The following LDB3 variants were observed in gnomAD, a reference collection of about 807,000 sequenced individuals.
LDB3 encodes LIM domain binding 3.
LDB3 carries 49 observed loss-of-function variants against 69.0 expected under a neutral mutation model. That is an observed-to-expected ratio of 0.71 (90% CI 0.56 to 0.90). The LOEUF is 0.90. Among genes scored for constraint, LDB3 ranks in the 40% least tolerant of loss-of-function variants. The pLI, the probability that LDB3 is intolerant of heterozygous loss-of-function variation, is 0.00. For missense variants in LDB3, 928 were observed against 974.1 expected (o/e 0.95, Z 0.63); for synonymous variants, 387 against 396.2 (o/e 0.98, Z 0.28).
At chr10:86,732,009 CTTTT>C (rs1323088769) in intron 13 of LDB3, among the ~76,000 whole-genome samples, 1 of 91,048 alleles carries the variant, frequency 1.1e-5, no homozygotes. Context: ...CTTTCTTTTT[CTTTT>C]TTTTTTTTTT....
chr10:86,673,335 C>T (rs1052183214), intron 2 of LDB3, among the ~76,000 whole-genome samples: 3 of 152,118 alleles, frequency 2.0e-5, no homozygotes, highest in Non-Finnish European at 2.9e-5. Context: ...CATTGATATG[C>T]GTGGAATAAT....
chr10:86,700,465 G>A (rs1044291011), intron 7 of LDB3, among the ~76,000 whole-genome samples: 1 of 152,202 alleles, frequency 6.6e-6, no homozygotes, highest in Non-Finnish European at 1.5e-5. Flanking sequence ...GTCCAGAGGC[G>A]AGAGAAGGGC....
chr10:86,688,532 ACT>A (rs1411936345), intron 5 of LDB3, among the ~76,000 whole-genome samples: 1 of 152,134 alleles, frequency 6.6e-6, no homozygotes. Flanking sequence ...TTCAAGTCAA[ACT>A]CCCAAGGCTC....
intron 10 of LDB3, among the ~76,000 whole-genome samples, chr10:86,717,647 A>C (rs964467751): frequency 6.6e-6 from 1 of 152,274 alleles, no homozygotes; most frequent in Non-Finnish European, 1.5e-5. Flanking sequence ...GTAATCACTT[A>C]ATAAATGTTA....
chr10:86,728,879 C>T (rs1304366821), intron 13 of LDB3, among the ~76,000 whole-genome samples: 3 of 151,992 alleles, frequency 2.0e-5, no homozygotes, highest in Admixed American at 6.5e-5. Context: ...CACACCCAGC[C>T]GGAACATGGT....
At chr10:86,728,259 T>C (rs1847329991) in intron 13 of LDB3, among the ~76,000 whole-genome samples, 1 of 152,160 alleles carries the variant, frequency 6.6e-6, no homozygotes, top group Non-Finnish European at 1.5e-5. Flanking sequence ...AAGGCCTGTT[T>C]TCCATGGGCA....
chr10:86,698,314 C>T (rs140615636), intron 7 of LDB3, among the ~76,000 whole-genome samples: 2 of 152,332 alleles, frequency 1.3e-5, no homozygotes, highest in East Asian at 3.9e-4. Flanking sequence ...ATAGTATGGA[C>T]TCAGAAATTA....
At chr10:86,688,311 T>G (rs1845602277) in intron 5 of LDB3, among the ~76,000 whole-genome samples, 1 of 152,128 alleles carries the variant, frequency 6.6e-6, no homozygotes, top group Admixed American at 6.5e-5. Flanking sequence ...GATTAAAAAG[T>G]CCCAGAGAAC....
At chr10:86,675,598 G>C (rs973373581) in intron 2 of LDB3, among the ~76,000 whole-genome samples, 2 of 152,228 alleles carry the variant, frequency 1.3e-5, no homozygotes, top group African/African-American at 4.8e-5. Context: ...CCTGCTGTGG[G>C]GGAGCCCCAT....
intron 9 of LDB3, among the ~76,000 whole-genome samples, chr10:86,711,301 G>A (rs1846651364): frequency 6.6e-6 from 1 of 151,870 alleles, no homozygotes; most frequent in African/African-American, 2.4e-5. Context: ...CGGCCAGCCC[G>A]CCCTGCGTCT....
intron 5 of LDB3, among the ~76,000 whole-genome samples, chr10:86,691,520 C>T (rs1845758698): frequency 6.6e-6 from 1 of 152,218 alleles, no homozygotes; most frequent in South Asian, 2.1e-4. Flanking sequence ...CAGTTGGCCT[C>T]TCTCCAGCCA....
At chr10:86,726,300 G>C (rs747816375) in intron 13 of LDB3, 48 bp downstream of exon 13, 4 of 1,469,466 alleles carry the variant, frequency 2.7e-6, no homozygotes, top group Non-Finnish European at 3.8e-6. Context: ...AGGCAGGAGG[G>C]AGGAAGTGGG....
chr10:86,688,050 C>CGTGTGTGTGTGT (rs71487273), intron 5 of LDB3, among the ~76,000 whole-genome samples: 3,329 of 102,950 alleles, frequency 0.032, 116 homozygotes, highest in Non-Finnish European at 0.046. Flanking sequence ...CCCCGACCCT[C>CGTGTGTGTGTGT]GTGTGTGTGT....
chr10:86,732,007 T>C (rs896701849), intron 13 of LDB3, among the ~76,000 whole-genome samples: 9 of 128,216 alleles, frequency 7.0e-5, no homozygotes, highest in South Asian at 5.0e-4. Flanking sequence ...TTCTTTCTTT[T>C]TCTTTTTTTT....
At chr10:86,720,183 G>C (rs1002934180) in intron 12 of LDB3, among the ~76,000 whole-genome samples, 1 of 152,172 alleles carries the variant, frequency 6.6e-6, no homozygotes, top group Admixed American at 6.5e-5. Context: ...GGTGGCTCAC[G>C]CCTGTAATCC....
chr10:86,729,566 C>T (rs997896314), intron 13 of LDB3, among the ~76,000 whole-genome samples: 3 of 152,188 alleles, frequency 2.0e-5, no homozygotes, highest in Admixed American at 2.0e-4. Context: ...TCCATGGTCG[C>T]TACCCTTTTA....
At position 86,709,891 on chromosome 10, in the gene LDB3, C is replaced by T. The variant is rs1846574529; in HGVS notation, c.1086-14C>T. 1.2e-6 allele frequency: 2 copies of T among 1,607,628 alleles called. No homozygotes were observed. The highest frequency in any genetic ancestry group is 8.5e-7 in the Non-Finnish European group (1 of 1,179,928). ...CTGTCCTTCTGGGTGTAACCCCTCC[C>T]CGCTTGGTTCCAGGCCCCAGGCCTC... On this transcript the variant is annotated splice_polypyrimidine_tract_variant and intron_variant, in intron 8 of 13. Transcript: ENST00000361373.
chr10:86,724,080 G>A (rs1847175405), intron 12 of LDB3, among the ~76,000 whole-genome samples: 1 of 152,130 alleles, frequency 6.6e-6, no homozygotes, highest in African/African-American at 2.4e-5. Context: ...GGAGGCCGAG[G>A]CAGGTGGATC....
intron 5 of LDB3, among the ~76,000 whole-genome samples, chr10:86,690,023 T>C (rs928022697): frequency 2.6e-5 from 4 of 152,148 alleles, no homozygotes; most frequent in African/African-American, 9.7e-5. Context: ...GTCCCTGGTC[T>C]TTGCACGGGG....
Sources: gnomAD v4.1 joint callset for allele counts (sites outside exome capture counted in the v4.1 genomes callset) on GRCh38, gnomAD v4.1.1 for gene constraint, MANE v1.5 for transcripts, NCBI Gene and HGNC (gene_info 2026-07-23, HGNC 2026-07-21) for gene names.